Variants in SNRNP48 observed in about 807,000 individuals in gnomAD.
SNRNP48 encodes U11/U12 small nuclear ribonucleoprotein 48 kDa protein.
Under a neutral mutation model 47.0 loss-of-function variants are expected in SNRNP48, and 43 were observed. The ratio of observed to expected loss-of-function variants is 0.92; its 90% CI spans 0.72 to 1.18. SNRNP48 has a LOEUF of 1.18. Ranked by LOEUF, SNRNP48 falls within the 50% of genes most tolerant of loss-of-function variation. SNRNP48 has a pLI of 0.00. For synonymous variants in SNRNP48, 138 were observed against 144.0 expected, an observed-to-expected ratio of 0.96 and a Z score of 0.30; for missense variants, 396 against 422.2, an observed-to-expected ratio of 0.94 and a Z score of 0.54.
chr6:7,604,744 T>C (rs1366560349), intron 6 of SNRNP48, among the ~76,000 whole-genome samples: 1 of 152,240 alleles, frequency 6.6e-6, no homozygotes, highest in African/African-American at 2.4e-5. Flanking sequence ...GGAAAAACTT[T>C]CAAGTGGTTT....
Position 7,610,690 on chromosome 6 carries a change from A to C in SNRNP48, c.*1817A>C, listed in dbSNP as rs768347587. ...TAGAAGAGTACGGAGAAAGGAAGAGATTGAAAATGTTACCAGAGTTCTTTA... is the reference window on the plus strand; with the variant it reads ...TAGAAGAGTACGGAGAAAGGAAGAGCTTGAAAATGTTACCAGAGTTCTTTA... On this transcript the variant is annotated 3_prime_UTR_variant, in exon 9 of 9. Transcript: ENST00000342415. 1.0e-5 allele frequency: 1 copy of C among 95,968 alleles called. No individual in the cohort carries two copies. Among genetic ancestry groups the C allele is most frequent in the Non-Finnish European group, 2.1e-5 (1 of 47,710 alleles). The allele number at this position is 95,968 out of a possible 1,614,324, so 5.9% of individuals were successfully genotyped here.
intron 1 of SNRNP48, 143 bp from the exon 2 acceptor site, chr6:7,593,591 C>T (rs1023069141): frequency 6.7e-6 from 3 of 449,286 alleles, no homozygotes; most frequent in African/African-American, 2.0e-5. Context: ...CTTTAATACA[C>T]AACTACATGG....
At chr6:7,605,143 G>C (rs1411471797) in intron 6 of SNRNP48, among the ~76,000 whole-genome samples, 1 of 152,094 alleles carries the variant, frequency 6.6e-6, no homozygotes, top group Non-Finnish European at 1.5e-5. Flanking sequence ...CCTAAGAACA[G>C]AGATATTTTC....
At chr6:7,592,648 A>T (rs1012377975) in intron 1 of SNRNP48, among the ~76,000 whole-genome samples, 4 of 152,312 alleles carry the variant, frequency 2.6e-5, no homozygotes, top group Admixed American at 1.3e-4. Context: ...ACCCAGTTTC[A>T]TGCAGCCAGT....
Position 7,606,163 on chromosome 6 carries a change from T to C in SNRNP48, c.939T>C (p.Asp313=), listed in dbSNP as rs1760123972. 1 of 1,612,910 alleles carries C rather than the reference T, an allele frequency of 6.2e-7. No homozygotes were observed. Among genetic ancestry groups the C allele is most frequent in the Non-Finnish European group, 8.5e-7 (1 of 1,179,680 alleles). ...AAAGAAAAAGAAACAAAGATAAGGA[T>C]AAAAACTGTGAGTCGAGAAGAAGGA... is the stretch of plus-strand genomic sequence containing the variant. ...PHKRKRNKDK[D]KNCESRRRKE... The change falls in exon 8 of 9, where the codon GAT becomes GAC. Residue 313 remains aspartate, a synonymous_variant. Coordinates refer to ENST00000342415, the MANE Select transcript of SNRNP48 (RefSeq NM_152551.4).
chr6:7,606,943 A>G (rs753326521), intron 8 of SNRNP48, among the ~76,000 whole-genome samples: 3 of 152,134 alleles, frequency 2.0e-5, no homozygotes, highest in Non-Finnish European at 4.4e-5. Flanking sequence ...TCATTTTCCT[A>G]ATTTTTCTAC....
chr6:7,601,718 T>C (rs2113720397), intron 5 of SNRNP48, among the ~76,000 whole-genome samples, 194 bp downstream of exon 5: 1 of 152,292 alleles, frequency 6.6e-6, no homozygotes, highest in Non-Finnish European at 1.5e-5. Flanking sequence ...GGATTGAAAA[T>C]ATTTGGAAAA....
intron 1 of SNRNP48, 140 bp downstream of exon 1, chr6:7,590,553 G>A: frequency 9.7e-7 from 1 of 1,030,342 alleles, no homozygotes; most frequent in Non-Finnish European, 1.2e-6. Flanking sequence ...GGGCGCCTGG[G>A]ACCCGAGGGG....
In SNRNP48 at chr6:7,609,581, A is replaced by G. The variant is rs1057158244; in HGVS notation, c.*708A>G. The G allele has an allele frequency of 2.0e-5, 3 of 152,192 alleles. No homozygotes were observed. Among genetic ancestry groups the G allele is most frequent in the Non-Finnish European group, 4.4e-5 (3 of 68,024 alleles). The allele number at this position is 152,192 out of a possible 1,614,324, so 9.4% of individuals were successfully genotyped here. The stretch of plus-strand genomic sequence containing the variant: ...TTTTTAAAGGTTCAGAGGAATCCAT[A>G]CCAAAGTTCTAACAGCGAGTAGGAG... On this transcript the variant is annotated 3_prime_UTR_variant, in exon 9 of 9. Transcript: ENST00000342415.
intron 8 of SNRNP48, among the ~76,000 whole-genome samples, chr6:7,607,577 T>G (rs1760150936): frequency 6.6e-6 from 1 of 152,186 alleles, no homozygotes; most frequent in Non-Finnish European, 1.5e-5. Flanking sequence ...TTAAGACCCA[T>G]CTCAGCCATT....
At chr6:7,590,507 G>A in intron 1 of SNRNP48, 94 bp downstream of exon 1, 1 of 1,216,322 alleles carries the variant, frequency 8.2e-7, no homozygotes, top group Non-Finnish European at 1.0e-6. Context: ...GCGGAGGGAA[G>A]GGCGAGGAGT....
In SNRNP48 at chr6:7,601,168, A is replaced by G. The variant is rs140759313; in HGVS notation, c.407-168A>G. 362 of 522,664 alleles carry G rather than the reference A, an allele frequency of 6.9e-4. 1 individual carries two copies. The highest frequency in any genetic ancestry group is 6.8e-3 in the African/African-American group (337 of 49,540). 32.4% of individuals were successfully genotyped at this position (522,664 alleles called of 1,614,324 possible). A position where few individuals can be genotyped will look rare whatever the true frequency, so the allele number is the denominator to read the frequency against. On this transcript the variant is annotated intron_variant, in intron 4 of 8. Coordinates refer to ENST00000342415, the MANE Select transcript of SNRNP48 (RefSeq NM_152551.4). The stretch of plus-strand genomic sequence containing the variant: ...TTGTGGATATAACATTCAGGATAGA[A>G]TTGTTTGTCATTTATTGCTTAGATT...
intron 4 of SNRNP48, among the ~76,000 whole-genome samples, chr6:7,595,544 A>C (rs576332731): frequency 2.5e-4 from 38 of 152,346 alleles, no homozygotes; most frequent in Admixed American, 1.5e-3. Flanking sequence ...TTTTCAACTT[A>C]ACGGTATTTT....
rs1466953104 is a variant in SNRNP48, at chr6:7,610,951, C to T, written c.*2078C>T. ...CTGTAATTTTAAATTTTGACAAAAG[C>T]ATTTTCACAGCCCTGCCACATAAGA... On this transcript the variant is annotated 3_prime_UTR_variant, in exon 9 of 9. Transcript: ENST00000342415. The T allele has an allele frequency of 6.6e-6, 1 of 152,224 alleles. No homozygotes were observed. Among genetic ancestry groups the T allele is most frequent in the Non-Finnish European group, 1.5e-5 (1 of 68,052 alleles). 9.4% of individuals were successfully genotyped at this position (152,224 alleles called of 1,614,324 possible).
intron 4 of SNRNP48, among the ~76,000 whole-genome samples, chr6:7,597,575 A>C (rs781355353): frequency 1.9e-4 from 29 of 152,332 alleles, no homozygotes; most frequent in Non-Finnish European, 3.7e-4. Flanking sequence ...TTAGCTCCAA[A>C]AATTGGTAGC....
chr6:7,590,405 G>C lies in SNRNP48; in HGVS notation c.148G>C (p.Ala50Pro). 7.6e-7 allele frequency: 1 copy of C among 1,317,284 alleles called. No homozygotes were observed. Among genetic ancestry groups the C allele is most frequent in the Non-Finnish European group, 9.8e-7 (1 of 1,021,296 alleles). The allele number at this position is 1,317,284 out of a possible 1,614,324, so 81.6% of individuals were successfully genotyped here. The change falls in exon 1 of 9, where the codon GCG (alanine) becomes CCG (proline). Residue 50 changes from alanine to proline, a missense_variant. Coordinates refer to ENST00000342415, the MANE Select transcript of SNRNP48 (RefSeq NM_152551.4). Reference sequence around the variant, plus strand: ...TAGTCTGGATCCCGGGGAAGAGGAGGCGGCGGAGGTGAGGAGCGCGGCCGC... The same window carrying C: ...TAGTCTGGATCCCGGGGAAGAGGAGCCGGCGGAGGTGAGGAGCGCGGCCGC... ...LDSLDPGEEE[A>P]AEDEVVICPY...
Position 7,609,676 on chromosome 6 carries a change from A to G in SNRNP48, c.*803A>G, listed in dbSNP as rs1474425848. On this transcript the variant is annotated 3_prime_UTR_variant, in exon 9 of 9. Transcript: ENST00000342415. Reference sequence around the variant, plus strand: ...GTCAGAGGGAACTTTAGCTTTATCCATAACATTAATTTTTTTAAAAAATAA... The same window carrying G: ...GTCAGAGGGAACTTTAGCTTTATCCGTAACATTAATTTTTTTAAAAAATAA... 1.3e-5 allele frequency: 2 copies of G among 150,752 alleles called. No homozygotes were observed. Among genetic ancestry groups the G allele is most frequent in the Admixed American group, 1.3e-4 (2 of 15,236 alleles). 9.3% of individuals were successfully genotyped at this position (150,752 alleles called of 1,614,324 possible).
chr6:7,604,367 G>A (rs1039437399), intron 6 of SNRNP48, among the ~76,000 whole-genome samples: 7 of 152,226 alleles, frequency 4.6e-5, no homozygotes, highest in Admixed American at 1.3e-4. Context: ...AAAGCAGATA[G>A]AAGTATAGGA....
chr6:7,599,869 A>G (rs1561713297), intron 4 of SNRNP48: 1 of 1,032,482 alleles, frequency 9.7e-7, no homozygotes, highest in East Asian at 7.1e-5. Flanking sequence ...CTTCATCATA[A>G]AGAAATTTAA....
Sources: allele counts gnomAD v4.1 joint callset (sites outside exome capture counted in the v4.1 genomes callset), GRCh38; gene constraint gnomAD v4.1.1; transcripts MANE v1.5; gene names NCBI Gene and HGNC (gene_info 2026-07-23, HGNC 2026-07-21).